The following SSBP2 variants were observed in gnomAD, a reference collection of about 807,000 sequenced individuals.
SSBP2 encodes the protein single stranded DNA binding protein 2, also known as single-stranded DNA-binding protein 2.
SSBP2 carries 17 observed loss-of-function variants against 61.8 expected under a neutral mutation model. That is an observed-to-expected ratio of 0.28 (90% CI 0.19 to 0.41). The LOEUF (loss-of-function observed/expected upper bound fraction) is 0.41, where lower values mean the gene tolerates loss of function less well. Among genes scored for constraint, SSBP2 ranks in the 10% least tolerant of loss-of-function variants. SSBP2 has a pLI of 1.00. For synonymous variants in SSBP2, 139 were observed against 141.3 expected (o/e 0.98, Z 0.12); for missense variants, 310 against 458.7 (o/e 0.68, Z 2.96).
intron 1 of SSBP2, among the ~76,000 whole-genome samples, chr5:81,698,170 A>C (rs1348348562): frequency 6.6e-6 from 1 of 152,238 alleles, no homozygotes; most frequent in Non-Finnish European, 1.5e-5. Context: ...TATAAAATGT[A>C]CCAACCACAA....
At chr5:81,740,390 C>A (rs1317154352) in intron 1 of SSBP2, among the ~76,000 whole-genome samples, 1 of 150,404 alleles carries the variant, frequency 6.6e-6, no homozygotes, top group African/African-American at 2.4e-5. Flanking sequence ...AATGTATAAT[C>A]ATCAAATAAT....
chr5:81,463,789 G>T (rs1384838726), intron 9 of SSBP2, among the ~76,000 whole-genome samples: 1 of 141,388 alleles, frequency 7.1e-6, no homozygotes, highest in Non-Finnish European at 1.5e-5. Flanking sequence ...TTTGGTTTGG[G>T]ACACAGTCTT....
intron 1 of SSBP2, among the ~76,000 whole-genome samples, chr5:81,667,394 G>A (rs1254456157): frequency 6.6e-6 from 1 of 151,676 alleles, no homozygotes; most frequent in African/African-American, 2.4e-5. Flanking sequence ...TGCTCCCACA[G>A]GGCTGGAAAA....
intron 7 of SSBP2, 47 bp from the exon 8 acceptor site, chr5:81,473,817 A>G (rs747936889): frequency 6.5e-7 from 1 of 1,549,402 alleles, no homozygotes; most frequent in Non-Finnish European, 8.9e-7. Flanking sequence ...CATGAGTACT[A>G]AACCAGAGGC....
intron 4 of SSBP2, among the ~76,000 whole-genome samples, chr5:81,575,162 G>A (rs1774112547): frequency 6.6e-6 from 1 of 152,272 alleles, no homozygotes; most frequent in South Asian, 2.1e-4. Flanking sequence ...CAGCTACTCG[G>A]GAGGCTGAGG....
intron 3 of SSBP2, among the ~76,000 whole-genome samples, chr5:81,632,248 C>T (rs562566547): frequency 9.9e-5 from 15 of 152,272 alleles, no homozygotes; most frequent in East Asian, 1.9e-4. Context: ...ATTTTTACAA[C>T]GCTTCCTTTT....
intron 5 of SSBP2, among the ~76,000 whole-genome samples, chr5:81,492,376 C>T (rs1211664230): frequency 1.3e-5 from 2 of 152,014 alleles, no homozygotes; most frequent in East Asian, 1.9e-4. Context: ...TGGTGGCACA[C>T]GCCTGTAATC....
At chr5:81,432,867 T>G (rs1373539481) in intron 15 of SSBP2, among the ~76,000 whole-genome samples, 1 of 131,464 alleles carries the variant, frequency 7.6e-6, no homozygotes, top group East Asian at 2.5e-4. Context: ...CGCCTCTGCC[T>G]GGCCACCCCT....
At chr5:81,738,713 T>A (rs1313881309) in intron 1 of SSBP2, among the ~76,000 whole-genome samples, 4 of 152,182 alleles carry the variant, frequency 2.6e-5, no homozygotes, top group African/African-American at 9.6e-5. Flanking sequence ...AAATGACCAC[T>A]GCATTGGTGT....
chr5:81,593,997 A>C (rs1455751759), intron 4 of SSBP2, among the ~76,000 whole-genome samples: 1 of 152,202 alleles, frequency 6.6e-6, no homozygotes. Flanking sequence ...AACAATATTA[A>C]CTTTAAATGT....
At chr5:81,427,402 A>T (rs1454849942) in intron 16 of SSBP2, among the ~76,000 whole-genome samples, 1 of 151,984 alleles carries the variant, frequency 6.6e-6, no homozygotes, top group East Asian at 1.9e-4. Flanking sequence ...TAAACTACAG[A>T]TCAGCATAAT....
chr5:81,423,612 G>A (rs540974384), intron 16 of SSBP2, among the ~76,000 whole-genome samples: 1 of 152,206 alleles, frequency 6.6e-6, no homozygotes, highest in African/African-American at 2.4e-5. Flanking sequence ...AGGCGAGGTG[G>A]CAGGTGCCTA....
Position 81,466,526 on chromosome 5 carries a change from G to GT in SSBP2, c.638+447dup, listed in dbSNP as rs202209588. Among the ~76,000 whole-genome samples, 1,389 of 152,032 alleles carry GT rather than the reference G, an allele frequency of 9.1e-3. 20 individuals carry two copies. The highest frequency in any genetic ancestry group is 0.031 in the African/African-American group (1,305 of 41,522). On this transcript the variant is annotated intron_variant, in intron 9 of 16. Coordinates refer to ENST00000320672, the MANE Select transcript of SSBP2 (RefSeq NM_012446.5). The stretch of plus-strand genomic sequence containing the variant: ...AGTAGAGATATGTATGTATTTATGA[G>GT]TTAAAAACTCCACTCATAGAATCAC...
In SSBP2 at chr5:81,444,162, C is replaced by T. The variant is rs564951182; in HGVS notation, c.779-1439G>A. On this transcript the variant is annotated intron_variant, in intron 12 of 16. Coordinates refer to ENST00000320672, the MANE Select transcript of SSBP2 (RefSeq NM_012446.5). ...ATGTTGAAAAAGTTGGAGTGCCTAC[C>T]TCAGGTTGACCCTATTTGTTTATTC... Among the ~76,000 whole-genome samples the T allele has an allele frequency of 7.1e-4, 108 of 152,198 alleles. 1 individual carries two copies. The highest frequency in any genetic ancestry group is 2.5e-3 in the African/African-American group (102 of 41,520).
At chr5:81,519,988 TC>T (rs1253489642) in intron 4 of SSBP2, among the ~76,000 whole-genome samples, 18 of 149,954 alleles carry the variant, frequency 1.2e-4, no homozygotes, top group African/African-American at 4.5e-4. Flanking sequence ...TTTTCCCCCC[TC>T]TTTTTTTTTT....
At chr5:81,585,171 A>C (rs1490759335) in intron 4 of SSBP2, among the ~76,000 whole-genome samples, 1 of 152,054 alleles carries the variant, frequency 6.6e-6, no homozygotes, top group East Asian at 1.9e-4. Context: ...AATAACGTAC[A>C]ATTATTTCTC....
intron 1 of SSBP2, among the ~76,000 whole-genome samples, chr5:81,679,257 C>T: frequency 6.6e-6 from 1 of 152,248 alleles, no homozygotes; most frequent in Non-Finnish European, 1.5e-5. Context: ...GATCCACCCA[C>T]CTTGGCCTCC....
At chr5:81,722,721 C>A (rs747469138) in intron 1 of SSBP2, among the ~76,000 whole-genome samples, 1 of 151,910 alleles carries the variant, frequency 6.6e-6, no homozygotes, top group Non-Finnish European at 1.5e-5. Context: ...GTATAAAGTA[C>A]ACCAGTGTAA....
chr5:81,428,501 A>G, intron 16 of SSBP2, 84 bp downstream of exon 16: 2 of 922,620 alleles, frequency 2.2e-6, no homozygotes, highest in Non-Finnish European at 3.5e-6. Context: ...GATAAACAGC[A>G]GTAAAAGTGG....
Sources: allele counts gnomAD v4.1 joint callset (sites outside exome capture counted in the v4.1 genomes callset), GRCh38; gene constraint gnomAD v4.1.1; transcripts MANE v1.5; gene names NCBI Gene and HGNC (gene_info 2026-07-23, HGNC 2026-07-21).